PDE7B: variants seen among roughly 807,000 people sequenced by gnomAD.
PDE7B encodes 3',5'-cyclic-AMP phosphodiesterase 7B.
Under a neutral mutation model 56.2 loss-of-function variants are expected in PDE7B, and 29 were observed. That is an observed-to-expected ratio of 0.52 (90% CI 0.38 to 0.70). The LOEUF is 0.70. Ranked by LOEUF, PDE7B falls within the 30% of genes least tolerant of loss-of-function variation. PDE7B has a pLI of 0.00. For synonymous variants in PDE7B, 197 were observed against 196.9 expected, an observed-to-expected ratio of 1.00 and a Z score of 0.00; for missense variants, 490 against 565.0, an observed-to-expected ratio of 0.87 and a Z score of 1.35.
intron 2 of PDE7B, among the ~76,000 whole-genome samples, chr6:136,015,047 A>G (rs970631588): frequency 6.6e-6 from 1 of 152,220 alleles, no homozygotes; most frequent in Non-Finnish European, 1.5e-5. Context: ...GCAAGCACAC[A>G]GACACGCACA....
At chr6:135,905,679 G>A (rs999260887) in intron 1 of PDE7B, among the ~76,000 whole-genome samples, 1 of 152,154 alleles carries the variant, frequency 6.6e-6, no homozygotes, top group African/African-American at 2.4e-5. Context: ...CTAACAGTCA[G>A]CCGAGCACAG....
Position 136,173,827 on chromosome 6 carries a change from C to A in PDE7B, c.742C>A (p.Arg248=), listed in dbSNP as rs193920799. Residue 248 remains arginine (R), a synonymous_variant, in exon 9 of 13, where the codon CGA becomes AGA. Coordinates refer to ENST00000308191, the MANE Select transcript of PDE7B (RefSeq NM_018945.4). ...GTCTGTGCTGGAGAATCATCACTGGCGATCTACAATTGGCATGCTTCGAGA... is the reference window on the plus strand; with the variant it reads ...GTCTGTGCTGGAGAATCATCACTGGAGATCTACAATTGGCATGCTTCGAGA... ...NMSVLENHHW[R]STIGMLRESR... is the part of the protein sequence containing the mutation. 1 of 1,611,226 alleles carries A rather than the reference C, an allele frequency of 6.2e-7. No homozygotes were observed. Among genetic ancestry groups the A allele is most frequent in the South Asian group, 1.1e-5 (1 of 91,044 alleles).
chr6:135,974,297 A>T (rs1361122543), intron 2 of PDE7B, among the ~76,000 whole-genome samples: 1 of 150,740 alleles, frequency 6.6e-6, no homozygotes, highest in African/African-American at 2.4e-5. Context: ...ATATACATAT[A>T]TATATATCTT....
At chr6:136,157,886 G>A (rs1449482617) in intron 8 of PDE7B, among the ~76,000 whole-genome samples, 1 of 152,174 alleles carries the variant, frequency 6.6e-6, no homozygotes, top group Non-Finnish European at 1.5e-5. Flanking sequence ...GTGGCCTTTA[G>A]CTGAGTATGG....
chr6:135,994,131 TG>T (rs1775522551), intron 2 of PDE7B, among the ~76,000 whole-genome samples: 1 of 125,256 alleles, frequency 8.0e-6, no homozygotes, highest in Non-Finnish European at 1.6e-5. Flanking sequence ...TGTGTGTGTG[TG>T]TGTGTGTGTG....
intron 3 of PDE7B, among the ~76,000 whole-genome samples, chr6:136,137,380 T>C (rs1375129183): frequency 6.6e-6 from 1 of 152,148 alleles, no homozygotes; most frequent in Non-Finnish European, 1.5e-5. Flanking sequence ...TAGGGCTTAA[T>C]AACACATTAT....
At chr6:136,011,810 G>C (rs571498676) in intron 2 of PDE7B, among the ~76,000 whole-genome samples, 1 of 151,946 alleles carries the variant, frequency 6.6e-6, no homozygotes, top group South Asian at 2.1e-4. Flanking sequence ...AGGTATCTGT[G>C]GTCAGATTTT....
intron 11 of PDE7B, among the ~76,000 whole-genome samples, chr6:136,182,503 C>A (rs1353230716): frequency 6.6e-6 from 1 of 152,200 alleles, no homozygotes; most frequent in Non-Finnish European, 1.5e-5. Context: ...GGGCTAAGAT[C>A]TCTGTCCTTG....
Position 135,906,810 on chromosome 6 carries a change from GTT to G in PDE7B, c.22-40629_22-40628del, listed in dbSNP as rs869049424. 4.4e-3 allele frequency among the ~76,000 whole-genome samples: 261 copies of G among 59,532 alleles called. 2 individuals carry two copies. The highest frequency in any genetic ancestry group is 0.017 in the African/African-American group (238 of 14,238). The allele number at this position is 59,532 out of a possible 152,430, so 39.1% of individuals were successfully genotyped here. On this transcript the variant is annotated intron_variant, in intron 1 of 12. Coordinates refer to ENST00000308191, the MANE Select transcript of PDE7B (RefSeq NM_018945.4). ...TTTGACTCAAATGTTAATGAGGTTTGTTTTTTTTTTTTTTTTTTTTTTTTTTA... is the reference window on the plus strand; with the variant it reads ...TTTGACTCAAATGTTAATGAGGTTTGTTTTTTTTTTTTTTTTTTTTTTTTA...
intron 1 of PDE7B, among the ~76,000 whole-genome samples, chr6:135,910,979 A>T (rs995391709): frequency 5.9e-5 from 9 of 152,226 alleles, no homozygotes; most frequent in African/African-American, 2.2e-4. Flanking sequence ...GAAGGAGTTT[A>T]AAAAACAGAT....
chr6:135,976,202 CA>C (rs1775183680), intron 2 of PDE7B, among the ~76,000 whole-genome samples: 1 of 152,118 alleles, frequency 6.6e-6, no homozygotes. Context: ...AAATTCTTAT[CA>C]AATGTTTCAG....
rs1236758972 is a variant in PDE7B, at chr6:136,075,364, G to T, written c.83-33367G>T. Among the ~76,000 whole-genome samples the T allele has an allele frequency of 2.6e-5, 4 of 152,174 alleles. No individual in the cohort carries two copies. In the South Asian group the frequency reaches 8.3e-4, roughly 32 times the overall value. Reference sequence around the variant, plus strand: ...ACCCACTGCAGATTCTCACAAAAAGGAAAACATGCTGAACTGTATTCCTTG... The same window carrying T: ...ACCCACTGCAGATTCTCACAAAAAGTAAAACATGCTGAACTGTATTCCTTG... On this transcript the variant is annotated intron_variant, in intron 2 of 12. Coordinates refer to ENST00000308191, the MANE Select transcript of PDE7B (RefSeq NM_018945.4).
intron 3 of PDE7B, among the ~76,000 whole-genome samples, chr6:136,137,942 G>A (rs145828025): frequency 3.3e-4 from 50 of 152,090 alleles, no homozygotes; most frequent in African/African-American, 1.1e-3. Context: ...TTCACAGTTC[G>A]GGTCAATGCT....
At chr6:136,028,880 G>A (rs939879548) in intron 2 of PDE7B, among the ~76,000 whole-genome samples, 5 of 152,152 alleles carry the variant, frequency 3.3e-5, no homozygotes, top group South Asian at 2.1e-4. Flanking sequence ...ACTAGGATGT[G>A]GGCACCTTTG....
At position 135,952,160 on chromosome 6, in the gene PDE7B, A is replaced by T. The variant is rs180809399; in HGVS notation, c.82+4636A>T. On this transcript the variant is annotated intron_variant, in intron 2 of 12. Coordinates refer to ENST00000308191, the MANE Select transcript of PDE7B (RefSeq NM_018945.4). Reference sequence around the variant, plus strand: ...GTTCTATGAGGAGAAGCCTGTTATGATGTCTGCCCTAAATATTGTGTATGC... The same window carrying T: ...GTTCTATGAGGAGAAGCCTGTTATGTTGTCTGCCCTAAATATTGTGTATGC... Among the ~76,000 whole-genome samples the T allele has an allele frequency of 2.5e-3, 381 of 152,246 alleles. 1 individual carries two copies. The highest frequency in any genetic ancestry group is 4.4e-3 in the Admixed American group (67 of 15,280).
At chr6:135,860,396 A>G (rs1209071410) in intron 1 of PDE7B, among the ~76,000 whole-genome samples, 4 of 152,074 alleles carry the variant, frequency 2.6e-5, no homozygotes, top group Non-Finnish European at 1.5e-5. Flanking sequence ...TTTTTATACA[A>G]AAGTTCAAAT....
intron 1 of PDE7B, among the ~76,000 whole-genome samples, chr6:135,916,550 G>A (rs1020431400): frequency 5.9e-5 from 9 of 151,536 alleles, no homozygotes. Flanking sequence ...CCGCCACCAT[G>A]CCTGGCTAAT....
chr6:136,194,990 C>A lies in PDE7B; in HGVS notation c.*3150C>A, dbSNP rs961996654. On this transcript the variant is annotated 3_prime_UTR_variant, in exon 13 of 13. Transcript: ENST00000308191. ...CATGGACCATCAATAGTTGACTTGCCAGGTTTAATTCTTTCATTGCTTGAG... is the reference window on the plus strand; with the variant it reads ...CATGGACCATCAATAGTTGACTTGCAAGGTTTAATTCTTTCATTGCTTGAG... 1 of 152,166 alleles carries A rather than the reference C, an allele frequency of 6.6e-6. No homozygotes were observed. The highest frequency in any genetic ancestry group is 6.5e-5 in the Admixed American group (1 of 15,270). The allele number at this position is 152,166 out of a possible 1,614,324, so 9.4% of individuals were successfully genotyped here.
chr6:136,008,149 C>A (rs572234586), intron 2 of PDE7B, among the ~76,000 whole-genome samples: 2 of 151,948 alleles, frequency 1.3e-5, no homozygotes, highest in African/African-American at 2.4e-5. Context: ...CATGTCCCTA[C>A]AAAGGACATG....
Sources: allele counts gnomAD v4.1 joint callset (sites outside exome capture counted in the v4.1 genomes callset), GRCh38; gene constraint gnomAD v4.1.1; transcripts MANE v1.5; gene names NCBI Gene and HGNC (gene_info 2026-07-23, HGNC 2026-07-21).